RIMS2: variants seen among roughly 807,000 people sequenced by gnomAD.
The protein encoded by RIMS2 is regulating synaptic membrane exocytosis protein 2.
RIMS2 carries 59 observed loss-of-function variants against 174.4 expected under a neutral mutation model. The ratio of observed to expected loss-of-function variants is 0.34; its 90% confidence interval spans 0.27 to 0.42. The LOEUF (loss-of-function observed/expected upper bound fraction) is 0.42, where lower values mean the gene tolerates loss of function less well. Ranked by LOEUF, RIMS2 falls within the 10% of genes least tolerant of loss-of-function variation. The pLI, the probability that RIMS2 is intolerant of heterozygous loss-of-function variation, is 1.00. For synonymous variants in RIMS2, 606 were observed against 572.5 expected, an observed-to-expected ratio of 1.06 and a Z score of -0.84; for missense variants, 1,620 against 1,666.3, an observed-to-expected ratio of 0.97 and a Z score of 0.48.
chr8:104,205,510 T>TGTGTGTGTGC (rs777115088), intron 19 of RIMS2, among the ~76,000 whole-genome samples: 2 of 151,962 alleles, frequency 1.3e-5, no homozygotes, highest in African/African-American at 4.8e-5. Context: ...TGTGTGTGTG[T>TGTGTGTGTGC]GCGCGCACAT....
At chr8:104,080,219 C>T (rs1478422019) in intron 19 of RIMS2, among the ~76,000 whole-genome samples, 1 of 151,858 alleles carries the variant, frequency 6.6e-6, no homozygotes, top group African/African-American at 2.4e-5. Flanking sequence ...ATTGAAGGAA[C>T]CTTATAAAGT....
chr8:103,694,855 C>T (rs1279522401), intron 1 of RIMS2, among the ~76,000 whole-genome samples: 3 of 152,150 alleles, frequency 2.0e-5, no homozygotes, highest in Admixed American at 6.5e-5. Flanking sequence ...TGGAGTCATC[C>T]TGGAGATTGG....
At chr8:103,888,518 T>C (rs1426783819) in intron 4 of RIMS2, among the ~76,000 whole-genome samples, 1 of 151,604 alleles carries the variant, frequency 6.6e-6, no homozygotes, top group Non-Finnish European at 1.5e-5. Flanking sequence ...TTGTTATCTT[T>C]GGTGGTTTGG....
chr8:103,869,008 T>C (rs562937059), intron 3 of RIMS2, among the ~76,000 whole-genome samples: 2 of 152,282 alleles, frequency 1.3e-5, no homozygotes, highest in East Asian at 1.9e-4. Flanking sequence ...TGTTATTTTT[T>C]AGTTTTCGCT....
intron 19 of RIMS2, among the ~76,000 whole-genome samples, chr8:104,091,663 T>C (rs1431206525): frequency 6.6e-6 from 1 of 150,436 alleles, no homozygotes; most frequent in Non-Finnish European, 1.5e-5. Context: ...ATATATATTA[T>C]ATAGACAGAT....
At chr8:103,638,149 T>C (rs985446499) in intron 1 of RIMS2, among the ~76,000 whole-genome samples, 1 of 152,126 alleles carries the variant, frequency 6.6e-6, no homozygotes, top group African/African-American at 2.4e-5. Context: ...TATTTTCTAT[T>C]GGTTGCAAGT....
At chr8:103,985,492 AAAAAAAAAAAAG>A (rs1183584935) in intron 16 of RIMS2, among the ~76,000 whole-genome samples, 76 of 150,512 alleles carry the variant, frequency 5.0e-4, no homozygotes, top group African/African-American at 1.8e-3. Flanking sequence ...AAAAAAAAAA[AAAAAAAAAAAAG>A]AGTATAATTG....
intron 3 of RIMS2, among the ~76,000 whole-genome samples, chr8:103,794,421 C>G (rs951858555): frequency 6.6e-6 from 1 of 152,128 alleles, no homozygotes; most frequent in African/African-American, 2.4e-5. Context: ...ACAACTTATA[C>G]AAAAATTAAT....
intron 19 of RIMS2, among the ~76,000 whole-genome samples, chr8:104,186,722 G>A (rs903667887): frequency 3.3e-5 from 5 of 151,696 alleles, no homozygotes; most frequent in Non-Finnish European, 7.4e-5. Context: ...CTCATAGATT[G>A]CTGGGTTCCA....
At chr8:103,725,377 T>C (rs1264928437) in intron 2 of RIMS2, among the ~76,000 whole-genome samples, 1 of 152,166 alleles carries the variant, frequency 6.6e-6, no homozygotes, top group Non-Finnish European at 1.5e-5. Context: ...TGCATGCCCT[T>C]TTCCTGTCAG....
intron 23 of RIMS2, 83 bp downstream of exon 29, chr8:104,251,246 A>G (rs1022498949): frequency 8.4e-6 from 10 of 1,188,188 alleles, no homozygotes; most frequent in Middle Eastern, 2.1e-4. Context: ...TTTCTGTTGT[A>G]TTCTTTTATG....
chr8:103,648,525 CAT>C (rs2096387989), intron 1 of RIMS2, among the ~76,000 whole-genome samples: 1 of 152,034 alleles, frequency 6.6e-6, no homozygotes, highest in Non-Finnish European at 1.5e-5. Flanking sequence ...TGATCTGTCT[CAT>C]ATTGACAGTG....
intron 15 of RIMS2, among the ~76,000 whole-genome samples, chr8:103,966,429 C>T (rs981113976): frequency 2.0e-5 from 3 of 151,972 alleles, no homozygotes; most frequent in African/African-American, 7.2e-5. Context: ...CATAATAGTC[C>T]TTTATTATCC....
At chr8:103,720,931 A>G (rs144640476) in intron 2 of RIMS2, among the ~76,000 whole-genome samples, 2 of 152,290 alleles carry the variant, frequency 1.3e-5, no homozygotes, top group East Asian at 3.9e-4. Flanking sequence ...AGAAAATCTG[A>G]TTTAGGTCTT....
chr8:103,952,702 T>G (rs540944388), intron 14 of RIMS2, among the ~76,000 whole-genome samples: 2 of 152,032 alleles, frequency 1.3e-5, no homozygotes, highest in Non-Finnish European at 2.9e-5. Context: ...GAACGCTTCT[T>G]CTCCTTCAAA....
At chr8:103,526,178 T>C (rs10090897) in intron 1 of RIMS2, among the ~76,000 whole-genome samples, 9,091 of 152,160 alleles carry the variant, frequency 0.06, 909 homozygotes, top group African/African-American at 0.2. Flanking sequence ...AGGCTTTGGG[T>C]TGGGACCTGA....
At chr8:103,752,688 T>TGTGA (rs1564509051) in intron 2 of RIMS2, among the ~76,000 whole-genome samples, 4 of 152,216 alleles carry the variant, frequency 2.6e-5, no homozygotes, top group African/African-American at 9.6e-5. Flanking sequence ...TTATTCTCTT[T>TGTGA]GAAGCAACTG....
chr8:104,111,340 C>T (rs983788488), intron 19 of RIMS2, among the ~76,000 whole-genome samples: 44 of 152,172 alleles, frequency 2.9e-4, no homozygotes, highest in African/African-American at 9.9e-4. Flanking sequence ...TTTGGGGAAT[C>T]ACTTCAAACA....
chr8:103,769,830 G>T (rs2098229705), intron 3 of RIMS2, among the ~76,000 whole-genome samples: 3 of 152,074 alleles, frequency 2.0e-5, no homozygotes, highest in Admixed American at 1.3e-4. Context: ...CGTGCTTAAT[G>T]ACTAAAAGCA....
Sources: allele counts gnomAD v4.1 joint callset (sites outside exome capture counted in the v4.1 genomes callset), GRCh38; gene constraint gnomAD v4.1.1; transcripts MANE v1.5; gene names NCBI Gene and HGNC (gene_info 2026-07-23, HGNC 2026-07-21).